Variants in ZFHX3 observed in about 807,000 individuals in gnomAD.
ZFHX3 encodes zinc finger homeobox protein 3.
A neutral mutation model predicts 279.1 loss-of-function variants in ZFHX3; 42 were observed. The ratio of observed to expected loss-of-function variants is 0.15; its 90% CI spans 0.12 to 0.19. ZFHX3 has a LOEUF of 0.19. ZFHX3 is among the 10% of genes least tolerant of loss of function. The probability of loss-of-function intolerance (pLI) is 1.00; values close to 1 mark genes in which losing one functional copy is unlikely to be tolerated. For synonymous variants in ZFHX3, 2,293 were observed against 1,957.8 expected, an observed-to-expected ratio of 1.17 and a Z score of -4.52; for missense variants, 4,981 against 4,754.0, an observed-to-expected ratio of 1.05 and a Z score of -1.40.
At chr16:73,807,903 T>C (rs999174804) in intron 1 of ZFHX3, among the ~76,000 whole-genome samples, 2 of 152,118 alleles carry the variant, frequency 1.3e-5, no homozygotes, top group Admixed American at 1.3e-4. Flanking sequence ...GTGTATCCAT[T>C]GAATCTTCCT....
intron 3 of ZFHX3, among the ~76,000 whole-genome samples, chr16:72,923,595 C>A (rs1260390358): frequency 6.6e-6 from 1 of 151,858 alleles, no homozygotes; most frequent in African/African-American, 2.4e-5. Flanking sequence ...ATAGTTGATG[C>A]GTCTCTGAGC....
At chr16:73,347,278 G>T (rs925033263) in intron 3 of ZFHX3, among the ~76,000 whole-genome samples, 1 of 152,232 alleles carries the variant, frequency 6.6e-6, no homozygotes, top group Non-Finnish European at 1.5e-5. Context: ...TCCTCAGCCC[G>T]GAGGGAATTG....
chr16:73,631,723 G>A (rs1176745266), intron 2 of ZFHX3, among the ~76,000 whole-genome samples: 1 of 152,092 alleles, frequency 6.6e-6, no homozygotes, highest in Non-Finnish European at 1.5e-5. Context: ...TGGGCAAAAT[G>A]GTGAAACTCC....
chr16:73,835,090 C>T (rs1395337122), intron 1 of ZFHX3, among the ~76,000 whole-genome samples: 2 of 152,122 alleles, frequency 1.3e-5, no homozygotes. Context: ...TGTTATGACT[C>T]CCCCAGCTAC....
chr16:73,290,754 G>A (rs1379939999), intron 4 of ZFHX3, among the ~76,000 whole-genome samples: 1 of 148,918 alleles, frequency 6.7e-6, no homozygotes, highest in African/African-American at 2.5e-5. Flanking sequence ...AGCCACTAAG[G>A]TGCTTCGCAG....
chr16:73,878,700 C>A (rs1305596066), intron 1 of ZFHX3, among the ~76,000 whole-genome samples: 1 of 151,298 alleles, frequency 6.6e-6, no homozygotes, highest in Non-Finnish European at 1.5e-5. Flanking sequence ...TTATTTATAA[C>A]CTCAAGCTAG....
intron 4 of ZFHX3, among the ~76,000 whole-genome samples, chr16:73,286,082 G>A (rs1385233590): frequency 6.6e-6 from 1 of 152,128 alleles, no homozygotes; most frequent in African/African-American, 2.4e-5. Flanking sequence ...TTCTGGAAGG[G>A]ACTTCATACA....
At chr16:73,416,866 T>C (rs1273439193) in intron 3 of ZFHX3, among the ~76,000 whole-genome samples, 1 of 151,586 alleles carries the variant, frequency 6.6e-6, no homozygotes, top group Non-Finnish European at 1.5e-5. Context: ...AGAGCGAGAC[T>C]CCGTCTCAAA....
intron 1 of ZFHX3, among the ~76,000 whole-genome samples, chr16:73,688,930 A>T (rs926321292): frequency 1.6e-4 from 24 of 152,118 alleles, no homozygotes; most frequent in African/African-American, 5.3e-4. Context: ...ACCTTCCACC[A>T]TGATTGTGAG....
chr16:73,538,652 C>T (rs150640394), intron 2 of ZFHX3, among the ~76,000 whole-genome samples: 3,036 of 152,250 alleles, frequency 0.02, 63 homozygotes, highest in South Asian at 0.085. Flanking sequence ...TCTTGCGCAG[C>T]CCCTAATTCC....
At chr16:73,035,821 T>C (rs951745072) in intron 1 of ZFHX3, among the ~76,000 whole-genome samples, 13 of 152,340 alleles carry the variant, frequency 8.5e-5, no homozygotes, top group African/African-American at 3.1e-4. Context: ...GGAGGACTAC[T>C]TGAACCCAGG....
chr16:73,709,945 G>A (rs2053342477), intron 1 of ZFHX3, among the ~76,000 whole-genome samples: 1 of 152,206 alleles, frequency 6.6e-6, no homozygotes, highest in Non-Finnish European at 1.5e-5. Context: ...ACTTTGGGAG[G>A]CCAAGGTGGG....
intron 7 of ZFHX3, among the ~76,000 whole-genome samples, chr16:73,103,539 A>G (rs539085402): frequency 6.6e-6 from 1 of 152,290 alleles, no homozygotes; most frequent in African/African-American, 2.4e-5. Context: ...CCTCTATTAC[A>G]GCACTTTCAC....
intron 3 of ZFHX3, among the ~76,000 whole-genome samples, chr16:73,320,536 T>C (rs900105692): frequency 2.0e-5 from 3 of 152,328 alleles, no homozygotes; most frequent in South Asian, 4.1e-4. Flanking sequence ...TTTAACATAG[T>C]GACAATTTTT....
chr16:72,959,208 T>G lies in ZFHX3; in HGVS notation c.938A>C (p.Glu313Ala). 1 of 1,614,206 alleles carries G rather than the reference T, an allele frequency of 6.2e-7. No homozygotes were observed. Among genetic ancestry groups the G allele is most frequent in the Non-Finnish European group, 8.5e-7 (1 of 1,180,038 alleles). ...HDHRMTLSEDERKILSNKNIS... is the reference protein window; with the variant it reads ...HDHRMTLSEDARKILSNKNIS... ...GTTCTTATTGCTAAGAATTTTCCGC[T>G]CGTCTTCGCTCAGGGTCATTCGATG... is the stretch of plus-strand genomic sequence containing the variant. Residue 313 changes from glutamate (E) to alanine (A), a missense_variant, in exon 2 of 10, where the codon GAG becomes GCG. Around this residue, in one of 7 missense-constraint regions of ZFHX3, gnomAD observed 1,068 missense variants for 935.2 expected, o/e 1.14. Transcript: ENST00000268489.
intron 1 of ZFHX3, among the ~76,000 whole-genome samples, chr16:73,857,860 A>T (rs902148164): frequency 6.6e-6 from 1 of 152,178 alleles, no homozygotes. Context: ...TCATCCCAGC[A>T]CTTTGGGAGA....
chr16:73,063,959 G>C (rs938461315), upstream of ZFHX3, among the ~76,000 whole-genome samples: 1 of 152,094 alleles, frequency 6.6e-6, no homozygotes, highest in Non-Finnish European at 1.5e-5. Context: ...CAGGTTGAGG[G>C]TCCCCGCGCC....
chr16:73,392,326 C>T (rs1044675740), intron 3 of ZFHX3, among the ~76,000 whole-genome samples: 1 of 142,250 alleles, frequency 7.0e-6, no homozygotes, highest in Non-Finnish European at 1.5e-5. Flanking sequence ...GAGGCTGAGG[C>T]ACGGGACCCT....
intron 4 of ZFHX3, among the ~76,000 whole-genome samples, chr16:73,302,695 C>G (rs1040693640): frequency 5.3e-5 from 8 of 152,164 alleles, no homozygotes; most frequent in African/African-American, 1.9e-4. Context: ...AGCGTGGGAC[C>G]TCAGGGAGTC....
Sources: gnomAD v4.1 joint callset for allele counts (sites outside exome capture counted in the v4.1 genomes callset) on GRCh38, gnomAD v4.1.1 for gene constraint, gnomAD v4.1.1 regional missense constraint, MANE v1.5 for transcripts, NCBI Gene and HGNC (gene_info 2026-07-23, HGNC 2026-07-21) for gene names.